MAP6: variants seen among roughly 807,000 people sequenced by gnomAD.
MAP6 encodes microtubule-associated protein 6.
In MAP6, 26 loss-of-function variants were observed where a neutral mutation model predicts 42.4. The ratio of observed to expected loss-of-function variants is 0.61; its 90% confidence interval spans 0.45 to 0.85. The LOEUF is 0.85. MAP6 is among the 40% of genes least tolerant of loss of function. The pLI, the probability that MAP6 is intolerant of heterozygous loss-of-function variation, is 0.00. For synonymous variants in MAP6, 418 were observed against 443.8 expected (o/e 0.94, Z 0.73); for missense variants, 966 against 1,099.0 (o/e 0.88, Z 1.71).
At position 75,587,865 on chromosome 11, in the gene MAP6, C is replaced by T. The variant is rs1399359621; in HGVS notation, c.1636G>A (p.Ala546Thr). Reference sequence around the variant, plus strand: ...ACAGAGCCTTGATCCTTAACTTTTGCTGGAACCATAGGACTTTGATTCTTT... The same window carrying T: ...ACAGAGCCTTGATCCTTAACTTTTGTTGGAACCATAGGACTTTGATTCTTT... The part of the protein sequence containing the change: ...PPKNQSPMVP[A>T]KVKDQGSVVP... Residue 546 changes from alanine (A) to threonine (T), a missense_variant, in exon 4 of 4, where the codon GCA becomes ACA. Around this residue, in one of 2 missense-constraint regions of MAP6, gnomAD observed 943 missense variants for 1,049.9 expected, o/e 0.90. Coordinates refer to ENST00000304771, the MANE Select transcript of MAP6 (RefSeq NM_033063.2). The T allele has an allele frequency of 6.2e-7, 1 of 1,614,158 alleles. No homozygotes were observed. Among genetic ancestry groups the T allele is most frequent in the Non-Finnish European group, 8.5e-7 (1 of 1,180,014 alleles).
chr11:75,608,617 C>T (rs893319921), intron 1 of MAP6, among the ~76,000 whole-genome samples: 2 of 152,172 alleles, frequency 1.3e-5, no homozygotes, highest in Non-Finnish European at 2.9e-5. Context: ...GGCTCTTTTT[C>T]CCAATCTTGA....
At chr11:75,649,376 G>A (rs918849145) in intron 1 of MAP6, among the ~76,000 whole-genome samples, 3 of 152,174 alleles carry the variant, frequency 2.0e-5, no homozygotes, top group African/African-American at 7.2e-5. Context: ...CATGGATGAA[G>A]AGGTATACAT....
chr11:75,626,885 T>C (rs776877229), intron 1 of MAP6, among the ~76,000 whole-genome samples: 4 of 152,174 alleles, frequency 2.6e-5, no homozygotes, highest in Non-Finnish European at 5.9e-5. Context: ...ATTTGAGTCA[T>C]TTGATATCAG....
At chr11:75,624,743 T>A (rs1250790107) in intron 1 of MAP6, among the ~76,000 whole-genome samples, 1 of 152,166 alleles carries the variant, frequency 6.6e-6, no homozygotes, top group Non-Finnish European at 1.5e-5. Flanking sequence ...AGGAGAATAG[T>A]CATGTTCTTT....
chr11:75,649,608 G>A (rs1257339384), intron 1 of MAP6, among the ~76,000 whole-genome samples: 2 of 151,824 alleles, frequency 1.3e-5, no homozygotes, highest in African/African-American at 2.4e-5. Context: ...GTGCAATCTC[G>A]GCTCACTGCA....
chr11:75,611,711 C>T (rs985511214), intron 1 of MAP6, among the ~76,000 whole-genome samples: 1 of 152,236 alleles, frequency 6.6e-6, no homozygotes, highest in African/African-American at 2.4e-5. Context: ...AATATTACGT[C>T]ATAGAAAGAA....
intron 1 of MAP6, among the ~76,000 whole-genome samples, chr11:75,618,693 G>C (rs932908917): frequency 6.6e-6 from 1 of 152,118 alleles, no homozygotes; most frequent in Non-Finnish European, 1.5e-5. Flanking sequence ...CACACCACCG[G>C]GTACTGAGAG....
intron 3 of MAP6, chr11:75,597,087 A>T (rs1942591685): frequency 6.6e-6 from 1 of 152,238 alleles, no homozygotes; most frequent in African/African-American, 2.4e-5. Context: ...AATGGGAGTG[A>T]CACCTGCAGA....
At chr11:75,609,243 GTCTAT>G (rs1565259820) in intron 1 of MAP6, among the ~76,000 whole-genome samples, 1 of 152,202 alleles carries the variant, frequency 6.6e-6, no homozygotes, top group African/African-American at 2.4e-5. Context: ...GGCCACGAGG[GTCTAT>G]TCTGTTTGTT....
intron 3 of MAP6, among the ~76,000 whole-genome samples, chr11:75,590,562 A>G (rs1338043564): frequency 6.6e-6 from 1 of 152,204 alleles, no homozygotes; most frequent in Non-Finnish European, 1.5e-5. Flanking sequence ...CTTTGCATGG[A>G]TACATAACCC....
In MAP6 at chr11:75,668,247, G is replaced by C; in HGVS notation, c.123C>G (p.Gly41=). Residue 41 remains glycine, a synonymous_variant, in exon 1 of 4, where the codon GGC becomes GGG. Coordinates refer to ENST00000304771, the MANE Select transcript of MAP6 (RefSeq NM_033063.2). The stretch of plus-strand genomic sequence containing the variant: ...GCGGCGGCGGTGGCTGCGGCGGGGC[G>C]CCCGGGTGCTCGGTGGCCTCCGAGT... ...TKYSEATEHP[G]APPQPPPPQQ... 1.4e-6 allele frequency: 2 copies of C among 1,454,270 alleles called. No individual in the cohort carries two copies. Among genetic ancestry groups the C allele is most frequent in the Non-Finnish European group, 1.8e-6 (2 of 1,104,684 alleles). 90.1% of individuals were successfully genotyped at this position (1,454,270 alleles called of 1,614,324 possible). A position where few individuals can be genotyped will look rare whatever the true frequency, so the allele number is the denominator to read the frequency against.
intron 3 of MAP6, chr11:75,605,147 C>T: frequency 1.0e-6 from 1 of 985,404 alleles, no homozygotes; most frequent in Non-Finnish European, 1.2e-6. Flanking sequence ...TTTTAGTTAT[C>T]AGTGGCGTAT....
intron 1 of MAP6, among the ~76,000 whole-genome samples, chr11:75,652,111 T>C (rs534832554): frequency 2.5e-4 from 38 of 152,378 alleles, no homozygotes; most frequent in African/African-American, 8.9e-4. Flanking sequence ...ATTATTATTA[T>C]ATTTTGAATT....
intron 2 of MAP6, chr11:75,607,496 A>G (rs962071398): frequency 1.0e-6 from 1 of 985,362 alleles, no homozygotes; most frequent in Non-Finnish European, 1.2e-6. Flanking sequence ...ACCTTAGGAA[A>G]ATCCTTGAGT....
chr11:75,660,373 T>A (rs1405064226), intron 1 of MAP6, among the ~76,000 whole-genome samples: 1 of 152,190 alleles, frequency 6.6e-6, no homozygotes, highest in Non-Finnish European at 1.5e-5. Flanking sequence ...CACCTCTTGT[T>A]AGATATCCCA....
Position 75,587,576 on chromosome 11 carries a change from A to G in MAP6, c.1925T>C (p.Met642Thr), listed in dbSNP as rs144930740. 8.2e-5 allele frequency: 132 copies of G among 1,614,220 alleles called. No individual in the cohort carries two copies. The African/African-American group carries it at 1.5e-3, about 19-fold the overall frequency. Residue 642 changes from methionine to threonine, a missense_variant, in exon 4 of 4, where the codon ATG (methionine) becomes ACG (threonine). Around this residue, in one of 2 missense-constraint regions of MAP6, gnomAD observed 943 missense variants for 1,049.9 expected, o/e 0.90. Transcript: ENST00000304771. ...TTCATCCTTCGGATGCTCTGGGACC[A>G]TGGGATCTTGATCCTTGATAGGTGC... Reference protein sequence around the residue: ...VSAPIKDQDPMVPEHPKDESA... With the variant: ...VSAPIKDQDPTVPEHPKDESA...
intron 1 of MAP6, among the ~76,000 whole-genome samples, chr11:75,647,820 C>T (rs779132268): frequency 2.8e-4 from 43 of 151,980 alleles, no homozygotes; most frequent in African/African-American, 4.4e-4. Flanking sequence ...AACATAAATA[C>T]GAAAGGATAA....
intron 3 of MAP6, chr11:75,594,561 T>G (rs2032996733): frequency 6.6e-6 from 1 of 152,252 alleles, no homozygotes; most frequent in South Asian, 2.1e-4. Context: ...CTTTGGTAAT[T>G]ATCTGCCTCT....
intron 3 of MAP6, among the ~76,000 whole-genome samples, chr11:75,598,414 C>T (rs572241193): frequency 1.3e-5 from 2 of 152,290 alleles, no homozygotes; most frequent in South Asian, 4.2e-4. Context: ...TGGCCAACCT[C>T]TTAGATTACC....
Sources: gnomAD v4.1 joint callset for allele counts (sites outside exome capture counted in the v4.1 genomes callset) on GRCh38, gnomAD v4.1.1 for gene constraint, gnomAD v4.1.1 regional missense constraint, MANE v1.5 for transcripts, NCBI Gene and HGNC (gene_info 2026-07-23, HGNC 2026-07-21) for gene names.